KCND2: variants seen among roughly 807,000 people sequenced by gnomAD.
The protein encoded by KCND2 is potassium voltage-gated channel subfamily D member 2, also known as A-type voltage-gated potassium channel KCND2.
Under a neutral mutation model 54.4 loss-of-function variants are expected in KCND2, and 16 were observed. That is an observed-to-expected ratio of 0.29 (90% CI 0.20 to 0.45). The LOEUF (loss-of-function observed/expected upper bound fraction) is 0.45, where lower values mean the gene tolerates loss of function less well. KCND2 is among the 20% of genes least tolerant of loss of function. KCND2 has a pLI of 1.00. For synonymous variants in KCND2, 317 were observed against 310.7 expected (o/e 1.02, Z -0.21); for missense variants, 486 against 824.2 (o/e 0.59, Z 5.02).
In KCND2 at chr7:120,623,516, A is replaced by G. The variant is rs532690602; in HGVS notation, c.1116-109387A>G. Among the ~76,000 whole-genome samples, 78 of 152,304 alleles carry G rather than the reference A, an allele frequency of 5.1e-4. 1 individual carries two copies. In the South Asian group the frequency reaches 8.1e-3, roughly 16 times the overall value. ...CTTCATACCTAGGGATCTTGCTACC[A>G]TAAGATTTGATTTTGGCTTAGCAGT... On this transcript the variant is annotated intron_variant, in intron 1 of 5. Transcript: ENST00000331113.
intron 1 of KCND2, among the ~76,000 whole-genome samples, chr7:120,671,527 G>A (rs537325782): frequency 4.7e-4 from 72 of 151,996 alleles, no homozygotes; most frequent in Admixed American, 2.7e-3. Context: ...AATATTTGTC[G>A]CATTAAATAA....
intron 1 of KCND2, among the ~76,000 whole-genome samples, chr7:120,508,231 A>G (rs1337551298): frequency 6.6e-6 from 1 of 151,982 alleles, no homozygotes; most frequent in African/African-American, 2.4e-5. Context: ...ACTTTTTATT[A>G]TGAATATCAT....
chr7:120,717,223 G>A (rs192038261), intron 1 of KCND2, among the ~76,000 whole-genome samples: 48 of 152,116 alleles, frequency 3.2e-4, no homozygotes, highest in Non-Finnish European at 6.0e-4. Flanking sequence ...CAAATGCTTC[G>A]AGTGATCCTG....
intron 1 of KCND2, among the ~76,000 whole-genome samples, chr7:120,675,855 C>CT (rs58226731): frequency 0.024 from 2,971 of 121,490 alleles, 59 homozygotes; most frequent in Non-Finnish European, 0.031. Flanking sequence ...TCTTTCTATT[C>CT]TTTTTTTTTT....
intron 1 of KCND2, among the ~76,000 whole-genome samples, chr7:120,562,727 C>G (rs947570837): frequency 1.3e-5 from 2 of 152,064 alleles, no homozygotes; most frequent in Non-Finnish European, 2.9e-5. Context: ...AAGTATGTTG[C>G]AAACCCTAAG....
rs150266623 is a variant in KCND2 at position 120,448,257 on chromosome 7, C to G, written c.1115+172510C>G. Reference sequence around the variant, plus strand: ...AAGTGTTCTCATTGTTCAATTCCCACCCATTAATGAGAACATGCAGTGTTT... The same window carrying G: ...AAGTGTTCTCATTGTTCAATTCCCAGCCATTAATGAGAACATGCAGTGTTT... On this transcript the variant is annotated intron_variant, in intron 1 of 5. Transcript: ENST00000331113. Among the ~76,000 whole-genome samples the G allele has an allele frequency of 8.4e-3, 1,270 of 151,132 alleles. 14 individuals carry two copies. The highest frequency in any genetic ancestry group is 0.029 in the African/African-American group (1,204 of 41,152).
chr7:120,609,558 G>C (rs987152690), intron 1 of KCND2, among the ~76,000 whole-genome samples: 2 of 152,126 alleles, frequency 1.3e-5, no homozygotes, highest in African/African-American at 4.8e-5. Flanking sequence ...TTTTGTGTTT[G>C]AGTTTTGTGA....
intron 1 of KCND2, among the ~76,000 whole-genome samples, chr7:120,593,134 C>T (rs1007751619): frequency 2.0e-5 from 3 of 151,966 alleles, no homozygotes; most frequent in African/African-American, 7.3e-5. Context: ...CTATGAAAAC[C>T]CTATTTCGTT....
At chr7:120,604,230 G>A (rs1157776457) in intron 1 of KCND2, among the ~76,000 whole-genome samples, 3 of 151,696 alleles carry the variant, frequency 2.0e-5, no homozygotes, top group East Asian at 1.9e-4. Flanking sequence ...GGCTGGGCAC[G>A]GTGGCTCACG....
intron 1 of KCND2, among the ~76,000 whole-genome samples, chr7:120,433,563 C>T (rs2116170471): frequency 6.6e-6 from 1 of 152,342 alleles, no homozygotes; most frequent in African/African-American, 2.4e-5. Context: ...TGAACTTAGA[C>T]TGTTACCCCT....
intron 1 of KCND2, among the ~76,000 whole-genome samples, chr7:120,497,859 T>C (rs527782644): frequency 2.2e-4 from 34 of 152,306 alleles, no homozygotes; most frequent in Non-Finnish European, 4.1e-4. Flanking sequence ...TGGATATATG[T>C]ACTCAGGCAA....
At chr7:120,422,548 C>T (rs1330386575) in intron 1 of KCND2, among the ~76,000 whole-genome samples, 1 of 152,200 alleles carries the variant, frequency 6.6e-6, no homozygotes, top group Non-Finnish European at 1.5e-5. Flanking sequence ...TCTGTATTAG[C>T]AGCTCCAATT....
chr7:120,660,527 C>A (rs1791852879), intron 1 of KCND2, among the ~76,000 whole-genome samples: 1 of 152,082 alleles, frequency 6.6e-6, no homozygotes, highest in Non-Finnish European at 1.5e-5. Flanking sequence ...CCTTAGTTTG[C>A]TATAAAAACA....
chr7:120,612,426 A>G (rs1196039186), intron 1 of KCND2, among the ~76,000 whole-genome samples: 1 of 152,250 alleles, frequency 6.6e-6, no homozygotes, highest in Admixed American at 6.5e-5. Context: ...GAAATAGCAC[A>G]TAAGTTGTTT....
At chr7:120,405,720 TTGTC>T (rs1194773579) in intron 1 of KCND2, among the ~76,000 whole-genome samples, 3 of 152,086 alleles carry the variant, frequency 2.0e-5, no homozygotes. Context: ...ACCTTCTTGT[TTGTC>T]AGGTGGTTAC....
At chr7:120,341,866 T>C (rs1029628468) in intron 1 of KCND2, among the ~76,000 whole-genome samples, 1 of 151,898 alleles carries the variant, frequency 6.6e-6, no homozygotes, top group African/African-American at 2.4e-5. Context: ...GTTGCAACAG[T>C]GAAGATAATG....
intron 1 of KCND2, among the ~76,000 whole-genome samples, chr7:120,338,484 T>G (rs1301792651): frequency 6.6e-6 from 1 of 152,114 alleles, no homozygotes; most frequent in Non-Finnish European, 1.5e-5. Context: ...AAGATAGATT[T>G]TTTAAAGCAT....
At position 120,274,228 on chromosome 7, in the gene KCND2, C is replaced by A; in HGVS notation, c.-405C>A. The A allele has an allele frequency of 4.5e-6, 1 of 223,090 alleles. No homozygotes were observed. Among genetic ancestry groups the A allele is most frequent in the Non-Finnish European group, 8.9e-6 (1 of 111,950 alleles). The allele number at this position is 223,090 out of a possible 1,614,324, so 13.8% of individuals were successfully genotyped here. On this transcript the variant is annotated 5_prime_UTR_variant, in exon 1 of 6. Transcript: ENST00000331113. ...AGAATTCTATTGGGTGACTCTCGTTCGTCTTCTCTATCCTACACTCCACAT... is the reference window on the plus strand; with the variant it reads ...AGAATTCTATTGGGTGACTCTCGTTAGTCTTCTCTATCCTACACTCCACAT...
intron 1 of KCND2, among the ~76,000 whole-genome samples, chr7:120,281,917 G>A (rs1025015191): frequency 1.3e-5 from 2 of 152,230 alleles, no homozygotes; most frequent in African/African-American, 2.4e-5. Flanking sequence ...TGAACATTTT[G>A]TCCTCTCATC....
Sources: gnomAD v4.1 joint callset for allele counts (sites outside exome capture counted in the v4.1 genomes callset) on GRCh38, gnomAD v4.1.1 for gene constraint, MANE v1.5 for transcripts, NCBI Gene and HGNC (gene_info 2026-07-23, HGNC 2026-07-21) for gene names.